The following DESI1 variants were observed in gnomAD, a reference collection of about 807,000 sequenced individuals.
DESI1 encodes desumoylating isopeptidase 1, also known as PPPDE peptidase domain containing 2.
Under a neutral mutation model 22.4 loss-of-function variants are expected in DESI1, and 17 were observed. The observed-to-expected ratio is 0.76, with a 90% confidence interval of 0.52 to 1.14. The LOEUF (loss-of-function observed/expected upper bound fraction) is 1.14. Among genes scored for constraint, DESI1 ranks in the 50% most tolerant of loss-of-function variants. The probability of loss-of-function intolerance (pLI) is 0.00; values close to 1 mark genes in which losing one functional copy is unlikely to be tolerated. For synonymous variants in DESI1, 92 were observed against 84.2 expected (o/e 1.09, Z -0.51); for missense variants, 177 against 208.9 (o/e 0.85, Z 0.94).
Position 41,620,935 on chromosome 22 carries a change from G to C in DESI1, c.-96C>G, listed in dbSNP as rs1372334562. On this transcript the variant is annotated 5_prime_UTR_variant, in exon 1 of 6. Coordinates refer to ENST00000263256, the MANE Select transcript of DESI1 (RefSeq NM_015704.3). ...GACGGGAGTGCGAAGCGGAGGGAGA[G>C]GGGGGGACCGAGCCCGGGCCCGGGC... 9.2e-6 allele frequency: 13 copies of C among 1,406,898 alleles called. No individual in the cohort carries two copies. The Admixed American group carries it at 1.3e-4, about 14-fold the overall frequency. 87.2% of individuals were successfully genotyped at this position (1,406,898 alleles called of 1,614,324 possible). A position where few individuals can be genotyped will look rare whatever the true frequency, so the allele number is the denominator to read the frequency against.
intron 1 of DESI1, among the ~76,000 whole-genome samples, chr22:41,611,222 T>C (rs191009820): frequency 1.8e-4 from 28 of 152,292 alleles, no homozygotes; most frequent in Admixed American, 5.2e-4. Flanking sequence ...CTCCGCCTCC[T>C]GGGCTCAAGC....
intron 1 of DESI1, 110 bp from the exon 2 acceptor site, chr22:41,607,971 T>G: frequency 8.2e-7 from 1 of 1,226,988 alleles, no homozygotes. Flanking sequence ...ATAAACCTCT[T>G]GAGGGACTTT....
intron 5 of DESI1, chr22:41,602,920 G>A (rs2067457641): frequency 1.5e-6 from 1 of 673,092 alleles, no homozygotes; most frequent in South Asian, 2.9e-5. Context: ...GTCTAACATT[G>A]CATTTTAACT....
intron 1 of DESI1, among the ~76,000 whole-genome samples, chr22:41,609,330 C>T (rs1051559445): frequency 6.6e-6 from 1 of 152,180 alleles, no homozygotes; most frequent in African/African-American, 2.4e-5. Flanking sequence ...GGCAAGTTTA[C>T]CCAGCCTGTT....
Position 41,620,711 on chromosome 22 carries a change from T to C in DESI1, c.88+41A>G, listed in dbSNP as rs754120324. On this transcript the variant is annotated intron_variant, in intron 1 of 5. Transcript: ENST00000263256. ...CTCGGCCAGCCGCCACCCTCTGGCC[T>C]GGCTCCCGCCCTCCTGCCCACCTGG... is the stretch of plus-strand genomic sequence containing the variant. 1.9e-6 allele frequency: 3 copies of C among 1,571,960 alleles called. No individual in the cohort carries two copies. The South Asian group carries it at 3.5e-5, about 18-fold the overall frequency.
chr22:41,606,330 TG>T (rs1349933959), intron 3 of DESI1, among the ~76,000 whole-genome samples: 2 of 148,196 alleles, frequency 1.3e-5, no homozygotes, highest in African/African-American at 5.0e-5. Context: ...ATTTCTGGCC[TG>T]GGTGACAGAG....
intron 3 of DESI1, 97 bp from the exon 4 acceptor site, chr22:41,604,250 C>CT (rs1264626626): frequency 0.02 from 5,648 of 283,086 alleles, 3 homozygotes; most frequent in South Asian, 0.038. Flanking sequence ...TCTGTTCTGA[C>CT]TTTTTTTTTT....
At chr22:41,603,110 G>T in intron 5 of DESI1, 149 bp downstream of exon 5, 1 of 1,202,040 alleles carries the variant, frequency 8.3e-7, no homozygotes, top group Non-Finnish European at 1.2e-6. Context: ...AGTGGGTGGA[G>T]AGAATGGCAG....
At chr22:41,602,602 C>T in intron 5 of DESI1, 1 of 986,332 alleles carries the variant, frequency 1.0e-6, no homozygotes, top group Non-Finnish European at 1.2e-6. Context: ...CTGGAATGAG[C>T]AGAGGCTGCC....
chr22:41,603,148 G>A, intron 5 of DESI1, 111 bp downstream of exon 5: 1 of 1,518,962 alleles, frequency 6.6e-7, no homozygotes, highest in Non-Finnish European at 9.0e-7. Flanking sequence ...TGCCATCAGG[G>A]CAGGCCCACC....
intron 3 of DESI1, 70 bp from the exon 4 acceptor site, chr22:41,604,223 C>CAGTA: frequency 9.0e-7 from 1 of 1,107,386 alleles, no homozygotes; most frequent in South Asian, 1.3e-5. Context: ...TGGCTTCCCA[C>CAGTA]AGTAGACCAC....
In DESI1 at chr22:41,600,313, GAAA is replaced by G. The variant is rs2067442807; in HGVS notation, c.*781_*783del. Reference sequence around the variant, plus strand: ...CAAATAACCTACATCATTACTTGCAGAAAAAAGGCCTTGGCTTCTACTGCTCCA... The same window carrying G: ...CAAATAACCTACATCATTACTTGCAGAAAGGCCTTGGCTTCTACTGCTCCA... On this transcript the variant is annotated 3_prime_UTR_variant, in exon 6 of 6. Coordinates refer to ENST00000263256, the MANE Select transcript of DESI1 (RefSeq NM_015704.3). 1 of 152,276 alleles carries G rather than the reference GAAA, an allele frequency of 6.6e-6. No individual in the cohort carries two copies. Among genetic ancestry groups the G allele is most frequent in the Admixed American group, 6.5e-5 (1 of 15,282 alleles). 9.4% of individuals were successfully genotyped at this position (152,276 alleles called of 1,614,324 possible).
intron 1 of DESI1, among the ~76,000 whole-genome samples, chr22:41,614,121 C>T (rs1376476098): frequency 6.6e-6 from 1 of 151,980 alleles, no homozygotes; most frequent in Non-Finnish European, 1.5e-5. Flanking sequence ...ACTACAACCC[C>T]CGCCTCCCGG....
chr22:41,603,491 G>T, intron 4 of DESI1, 110 bp from the exon 5 acceptor site: 1 of 1,508,894 alleles, frequency 6.6e-7, no homozygotes, highest in Non-Finnish European at 9.1e-7. Flanking sequence ...TGAGGATTGC[G>T]ATTTCCCCCG....
Position 41,614,636 on chromosome 22 carries a change from G to A in DESI1, c.88+6116C>T, listed in dbSNP as rs1317275095. Among the ~76,000 whole-genome samples, 3 of 120,894 alleles carry A rather than the reference G, an allele frequency of 2.5e-5. No homozygotes were observed. The East Asian group carries it at 8.9e-4, about 36-fold the overall frequency. The allele number at this position is 120,894 out of a possible 152,430, so 79.3% of individuals were successfully genotyped here. A position where few individuals can be genotyped will look rare whatever the true frequency, so the allele number is the denominator to read the frequency against. On this transcript the variant is annotated intron_variant, in intron 1 of 5. Coordinates refer to ENST00000263256, the MANE Select transcript of DESI1 (RefSeq NM_015704.3). ...GTCTCACTCTATCACCCAGGCTGAA[G>A]TGCAGTGGCATGATCTCGGCTCACT...
rs888690601 is a variant in DESI1 at position 41,620,936 on chromosome 22, G to T, written c.-97C>A. On this transcript the variant is annotated 5_prime_UTR_variant, in exon 1 of 6. Coordinates refer to ENST00000263256, the MANE Select transcript of DESI1 (RefSeq NM_015704.3). ...ACGGGAGTGCGAAGCGGAGGGAGAG[G>T]GGGGGACCGAGCCCGGGCCCGGGCT... The T allele has an allele frequency of 1.8e-5, 26 of 1,421,652 alleles. No individual in the cohort carries two copies. The highest frequency in any genetic ancestry group is 1.8e-4 in the Middle Eastern group (1 of 5,626). The allele number at this position is 1,421,652 out of a possible 1,614,324, so 88.1% of individuals were successfully genotyped here.
chr22:41,601,886 T>TAA (rs1205329103), intron 5 of DESI1: 2 of 152,226 alleles, frequency 1.3e-5, no homozygotes, highest in East Asian at 3.9e-4. Flanking sequence ...GCTAATTTTT[T>TAA]ATTTTCAGTA....
chr22:41,609,032 C>G (rs948300761), intron 1 of DESI1, among the ~76,000 whole-genome samples: 4 of 152,138 alleles, frequency 2.6e-5, no homozygotes, highest in Admixed American at 6.6e-5. Flanking sequence ...ACCTCTGCCC[C>G]CCGGGTTCAA....
intron 4 of DESI1, 92 bp from the exon 5 acceptor site, chr22:41,603,473 G>A: frequency 1.3e-6 from 2 of 1,569,214 alleles, no homozygotes; most frequent in Admixed American, 1.8e-5. Flanking sequence ...GGTGAGCACA[G>A]CTCAATGTGA....
Sources: gnomAD v4.1 joint callset for allele counts (sites outside exome capture counted in the v4.1 genomes callset) on GRCh38, gnomAD v4.1.1 for gene constraint, MANE v1.5 for transcripts, NCBI Gene and HGNC (gene_info 2026-07-23, HGNC 2026-07-21) for gene names.